Variants in PLEKHG4B observed in about 807,000 individuals in gnomAD.
PLEKHG4B encodes the protein pleckstrin homology and RhoGEF domain containing G4B, also known as pleckstrin homology domain-containing family G member 4B.
A neutral mutation model predicts 121.3 loss-of-function variants in PLEKHG4B; 111 were observed. The observed-to-expected ratio is 0.92, with a 90% CI of 0.78 to 1.07. The LOEUF (loss-of-function observed/expected upper bound fraction) is 1.07. Among genes scored for constraint, PLEKHG4B ranks in the 50% least tolerant of loss-of-function variants. PLEKHG4B has a pLI of 0.00. For synonymous variants in PLEKHG4B, 738 were observed against 725.0 expected (o/e 1.02, Z -0.29); for missense variants, 1,831 against 1,757.8 (o/e 1.04, Z -0.74).
rs1453634942 is a variant in PLEKHG4B at position 113,471 on chromosome 5, T to C, written c.243+23T>C. The C allele has an allele frequency of 1.5e-5, 6 of 398,964 alleles. No individual in the cohort carries two copies. Among genetic ancestry groups the C allele is most frequent in the African/African-American group, 4.1e-5 (2 of 48,638 alleles). The allele number at this position is 398,964 out of a possible 1,614,324, so 24.7% of individuals were successfully genotyped here. On this transcript the variant is annotated intron_variant, in intron 2 of 19. Coordinates refer to ENST00000637938, the MANE Select transcript of PLEKHG4B (RefSeq NM_052909.5). The surrounding 1 kb of genome is among the most constrained non-coding windows in gnomAD (Gnocchi z 5.2). The stretch of plus-strand genomic sequence containing the variant: ...TGTGTGAGTACCTCCCTTGTAGCTC[T>C]GAGACCGTGGCCAACCTGGAGGAAC...
intron 18 of PLEKHG4B, among the ~76,000 whole-genome samples, chr5:177,518 C>G (rs1736794404): frequency 6.6e-6 from 1 of 152,182 alleles, no homozygotes; most frequent in African/African-American, 2.4e-5. Flanking sequence ...ATCCGAGTGA[C>G]CGGCGGCAAA....
chr5:135,675 AAAAAAAAATAT>A (rs1734942882), intron 2 of PLEKHG4B, among the ~76,000 whole-genome samples: 1 of 73,168 alleles, frequency 1.4e-5, no homozygotes, highest in Non-Finnish European at 2.6e-5. Context: ...CAAAAAAAAA[AAAAAAAAATAT>A]ATATATATAT....
In PLEKHG4B at chr5:139,119, G is replaced by C. The variant is rs1384080756; in HGVS notation, c.244-364G>C. On this transcript the variant is annotated intron_variant, in intron 2 of 19. Coordinates refer to ENST00000637938, the MANE Select transcript of PLEKHG4B (RefSeq NM_052909.5). This position sits in a 1 kb window ranked among gnomAD's most constrained non-coding sequence, Gnocchi z 5.0. ...AGGGCTGGCAGGGGCAAGTGTGGAC[G>C]CCCGGCCCCTTGCCCAGGCTGGGAC... Among the ~76,000 whole-genome samples the C allele has an allele frequency of 2.6e-5, 4 of 152,194 alleles. No individual in the cohort carries two copies. Among genetic ancestry groups the C allele is most frequent in the African/African-American group, 7.2e-5 (3 of 41,452 alleles).
At chr5:153,486 C>T (rs1311295163) in intron 7 of PLEKHG4B, among the ~76,000 whole-genome samples, 2 of 152,170 alleles carry the variant, frequency 1.3e-5, no homozygotes, top group Admixed American at 6.5e-5. Flanking sequence ...AATTCTGAGT[C>T]TTCCCCCATG....
intron 2 of PLEKHG4B, among the ~76,000 whole-genome samples, chr5:131,129 A>C (rs868600502): frequency 2.6e-5 from 3 of 114,992 alleles, no homozygotes; most frequent in African/African-American, 4.3e-5. Flanking sequence ...TTTTTTTTTT[A>C]CTTTAAATTC....
At chr5:124,815 T>G (rs1734566832) in intron 2 of PLEKHG4B, among the ~76,000 whole-genome samples, 1 of 152,196 alleles carries the variant, frequency 6.6e-6, no homozygotes, top group African/African-American at 2.4e-5. Context: ...ACCATATAGT[T>G]GGATCATGTG....
At chr5:95,537 TC>T (rs1733606542) in intron 1 of PLEKHG4B, among the ~76,000 whole-genome samples, 1 of 152,180 alleles carries the variant, frequency 6.6e-6, no homozygotes, top group African/African-American at 2.4e-5. Context: ...TTCCCCGGCT[TC>T]TGTAGTGCTC....
chr5:158,355 G>C (rs1288917587), intron 11 of PLEKHG4B, among the ~76,000 whole-genome samples: 103 of 43,432 alleles, frequency 2.4e-3, no homozygotes, highest in Admixed American at 7.0e-3. Flanking sequence ...TCCATCTCCT[G>C]TCCTCCCTCT....
At chr5:169,035 C>A (rs1736446297) in intron 13 of PLEKHG4B, 1 of 353,072 alleles carries the variant, frequency 2.8e-6, no homozygotes, top group Admixed American at 4.6e-5. Flanking sequence ...GCCACTACCC[C>A]CAGCTAATTT....
At chr5:181,376 T>A (rs964020366) in intron 18 of PLEKHG4B, 138 bp from the exon 19 acceptor site, 2 of 863,112 alleles carry the variant, frequency 2.3e-6, no homozygotes, top group Non-Finnish European at 3.5e-6. Flanking sequence ...TGGCCCCCCA[T>A]GCCCCTCGTG....
At chr5:169,788 C>T (rs552929571) in intron 14 of PLEKHG4B, among the ~76,000 whole-genome samples, 196 bp downstream of exon 14, 4 of 152,370 alleles carry the variant, frequency 2.6e-5, no homozygotes, top group South Asian at 2.1e-4. Context: ...CTCCAGTGCT[C>T]GGTGCTTTGC....
At position 164,464 on chromosome 5, in the gene PLEKHG4B, TGTTGTGA is replaced by T. The variant is rs1285615783; in HGVS notation, c.3476+917_3476+923del. 8.2e-5 allele frequency among the ~76,000 whole-genome samples: 10 copies of T among 122,206 alleles called. 1 individual carries two copies. Among genetic ancestry groups the T allele is most frequent in the Admixed American group, 1.5e-4 (2 of 13,126 alleles). 80.2% of individuals were successfully genotyped at this position (122,206 alleles called of 152,430 possible). ...TGACAGGGGGCGGGGCTCACAGTAA[TGTTGTGA>T]CGGAGCAGAGCTCACACTAATGCTC... On this transcript the variant is annotated intron_variant, in intron 13 of 19. Coordinates refer to ENST00000637938, the MANE Select transcript of PLEKHG4B (RefSeq NM_052909.5).
At chr5:151,695 C>T (rs1318418831) in intron 7 of PLEKHG4B, 96 bp downstream of exon 7, 24 of 776,010 alleles carry the variant, frequency 3.1e-5, no homozygotes, top group Non-Finnish European at 4.0e-6. Flanking sequence ...TAGATAAGTT[C>T]TAATTGCATC....
chr5:171,403 G>A lies in PLEKHG4B; in HGVS notation c.4009G>A (p.Gly1337Ser), dbSNP rs773157851. 40 of 1,606,758 alleles carry A rather than the reference G, an allele frequency of 2.5e-5. 1 individual carries two copies. Among genetic ancestry groups the A allele is most frequent in the Middle Eastern group, 1.7e-4 (1 of 6,038 alleles). The change falls in exon 16 of 20, where the codon GGC becomes AGC. Residue 1337 changes from glycine to serine, a missense_variant. Transcript: ENST00000637938. ...EVVVCFQLRHGNDLLAMDAIR... is the reference protein window; with the variant it reads ...EVVVCFQLRHSNDLLAMDAIR... Reference sequence around the variant, plus strand: ...CGTGGTCTGCTTCCAGCTGCGTCACGGCAATGACCTGCTGGCCATGGACGC... The same window carrying A: ...CGTGGTCTGCTTCCAGCTGCGTCACAGCAATGACCTGCTGGCCATGGACGC...
intron 1 of PLEKHG4B, among the ~76,000 whole-genome samples, chr5:108,794 T>C (rs999460481): frequency 2.0e-5 from 3 of 152,100 alleles, no homozygotes; most frequent in Admixed American, 6.5e-5. Flanking sequence ...ATGGCTGGTG[T>C]AGACAGACCG....
intron 1 of PLEKHG4B, among the ~76,000 whole-genome samples, chr5:110,779 T>C (rs1455563275): frequency 6.6e-6 from 1 of 152,264 alleles, no homozygotes; most frequent in Non-Finnish European, 1.5e-5. Flanking sequence ...CTGCAACACG[T>C]GCACACACCC....
rs1464372856 is a variant in PLEKHG4B, at chr5:113,352, G to T, written c.147G>T (p.Val49=). The change falls in exon 2 of 20, where the codon GTG becomes GTT. Residue 49 remains valine (V), a synonymous_variant. Transcript: ENST00000637938. The surrounding 1 kb of genome is among the most constrained non-coding windows in gnomAD (Gnocchi z 5.2). ...CGGTGCTCTGGCAGCTGTTCAGCGT[G>T]GCCGAGAGGTGCCACGGTGGGGACG... ...AATVLWQLFS[V]AERCHGGDGL... is the part of the protein sequence containing the mutation. 5.0e-6 allele frequency: 2 copies of T among 399,038 alleles called. No individual in the cohort carries two copies. The highest frequency in any genetic ancestry group is 4.1e-5 in the African/African-American group (2 of 48,630). The allele number at this position is 399,038 out of a possible 1,614,324, so 24.7% of individuals were successfully genotyped here.
At position 157,342 on chromosome 5, in the gene PLEKHG4B, G is replaced by T. The variant is rs868142730; in HGVS notation, c.2487+431G>T. Among the ~76,000 whole-genome samples the T allele has an allele frequency of 6.6e-6, 1 of 151,954 alleles. No homozygotes were observed. Among genetic ancestry groups the T allele is most frequent in the Non-Finnish European group, 1.5e-5 (1 of 67,976 alleles). On this transcript the variant is annotated intron_variant, in intron 11 of 19. Transcript: ENST00000637938. This position sits in a 1 kb window ranked among gnomAD's most constrained non-coding sequence, Gnocchi z 4.6. ...GGGAAACACCTCCAGATGACCTCAAGAAGTGGCTCTGGAGGCCAGGGAGAG... is the reference window on the plus strand; with the variant it reads ...GGGAAACACCTCCAGATGACCTCAATAAGTGGCTCTGGAGGCCAGGGAGAG...
Position 154,761 on chromosome 5 carries a change from G to A in PLEKHG4B, c.1993-114G>A, listed in dbSNP as rs184045561. The A allele has an allele frequency of 6.8e-4, 527 of 779,474 alleles. 3 individuals carry two copies. In the Middle Eastern group the frequency reaches 0.015, roughly 23 times the overall value. The allele number at this position is 779,474 out of a possible 1,614,324, so 48.3% of individuals were successfully genotyped here. A position where few individuals can be genotyped will look rare whatever the true frequency, so the allele number is the denominator to read the frequency against. ...TCAGTGCTTCCAGCAAAGCAGGGGC[G>A]ATACTCCTTGAGCCAGCCTCTCCAT... On this transcript the variant is annotated intron_variant, in intron 7 of 19. Coordinates refer to ENST00000637938, the MANE Select transcript of PLEKHG4B (RefSeq NM_052909.5).
Sources: gnomAD v4.1 joint callset for allele counts (sites outside exome capture counted in the v4.1 genomes callset) on GRCh38, gnomAD v4.1.1 for gene constraint, Gnocchi (gnomAD v3.1) non-coding constraint, MANE v1.5 for transcripts, NCBI Gene and HGNC (gene_info 2026-07-23, HGNC 2026-07-21) for gene names.